The following SOX6 variants were observed in gnomAD, a reference collection of about 807,000 sequenced individuals.
SOX6 encodes transcription factor SOX-6.
Under a neutral mutation model 97.8 loss-of-function variants are expected in SOX6, and 11 were observed. The ratio of observed to expected loss-of-function variants is 0.11; its 90% confidence interval spans 0.07 to 0.19. The LOEUF (loss-of-function observed/expected upper bound fraction) is 0.19, where lower values mean the gene tolerates loss of function less well. Among genes scored for constraint, SOX6 ranks in the 10% least tolerant of loss-of-function variants. The probability of loss-of-function intolerance (pLI) is 1.00; values close to 1 mark genes in which losing one functional copy is unlikely to be tolerated. For missense variants in SOX6, 810 were observed against 1,039.5 expected (o/e 0.78, Z 3.04); for synonymous variants, 360 against 371.4 (o/e 0.97, Z 0.35).
chr11:16,244,619 G>A (rs921671513), intron 3 of SOX6, among the ~76,000 whole-genome samples: 1 of 151,592 alleles, frequency 6.6e-6, no homozygotes, highest in African/African-American at 2.4e-5. Flanking sequence ...ATGGCATGAG[G>A]TAAAAGATAA....
At chr11:16,402,161 T>C (rs1487451737) in intron 1 of SOX6, among the ~76,000 whole-genome samples, 1 of 151,626 alleles carries the variant, frequency 6.6e-6, no homozygotes, top group African/African-American at 2.4e-5. Flanking sequence ...ACTCTTTTTC[T>C]ATTGCCTCCT....
At chr11:16,631,714 C>T (rs926604988) in intron 3 of SOX6, among the ~76,000 whole-genome samples, 1 of 152,116 alleles carries the variant, frequency 6.6e-6, no homozygotes, top group African/African-American at 2.4e-5. Flanking sequence ...CTCAGAAATG[C>T]CAATAATTCA....
intron 1 of SOX6, among the ~76,000 whole-genome samples, chr11:16,381,880 C>T (rs1007491449): frequency 1.3e-5 from 2 of 151,792 alleles, no homozygotes; most frequent in African/African-American, 4.8e-5. Flanking sequence ...GACATAAAAA[C>T]ACCTGAGGGT....
intron 7 of SOX6, among the ~76,000 whole-genome samples, chr11:16,102,523 A>C (rs184940017): frequency 1.1e-4 from 17 of 151,928 alleles, no homozygotes; most frequent in African/African-American, 4.1e-4. Flanking sequence ...AACTAGTAAA[A>C]AGAATCCTAA....
chr11:16,725,203 C>G (rs1590065821), intron 2 of SOX6, among the ~76,000 whole-genome samples: 1 of 152,216 alleles, frequency 6.6e-6, no homozygotes, highest in Non-Finnish European at 1.5e-5. Context: ...AGTACTGATA[C>G]ATTCAACAAT....
chr11:16,585,645 TCAA>T (rs1848082880), intron 4 of SOX6, among the ~76,000 whole-genome samples: 1 of 149,490 alleles, frequency 6.7e-6, no homozygotes, highest in Admixed American at 6.7e-5. Flanking sequence ...GGCGGGGGAG[TCAA>T]CAAAGACTCA....
At chr11:16,702,484 G>A (rs963736344) in intron 3 of SOX6, among the ~76,000 whole-genome samples, 3 of 152,054 alleles carry the variant, frequency 2.0e-5, no homozygotes, top group Admixed American at 2.0e-4. Context: ...AGCAAGTAAT[G>A]AGAATGCTAC....
At chr11:16,349,251 T>C (rs1340237872) in intron 1 of SOX6, among the ~76,000 whole-genome samples, 1 of 152,172 alleles carries the variant, frequency 6.6e-6, no homozygotes, top group African/African-American at 2.4e-5. Context: ...CAGCAAAAAC[T>C]CTAATCATTC....
intron 4 of SOX6, among the ~76,000 whole-genome samples, chr11:16,520,614 C>T (rs1861043547): frequency 6.6e-6 from 1 of 152,194 alleles, no homozygotes; most frequent in Non-Finnish European, 1.5e-5. Flanking sequence ...TAGGGAGTGC[C>T]AGACAGTGGG....
chr11:16,061,198 TGCTCAG>T (rs910723196), intron 9 of SOX6, among the ~76,000 whole-genome samples: 73 of 151,424 alleles, frequency 4.8e-4, no homozygotes, highest in African/African-American at 1.6e-3. Flanking sequence ...ACTAGACAGC[TGCTCAG>T]TAACTGTTAG....
At chr11:16,426,460 C>T (rs907815121) in intron 1 of SOX6, among the ~76,000 whole-genome samples, 7 of 151,870 alleles carry the variant, frequency 4.6e-5, no homozygotes, top group Admixed American at 3.9e-4. Flanking sequence ...AAAACAGACA[C>T]ATAGACCAAT....
intron 4 of SOX6, among the ~76,000 whole-genome samples, chr11:16,568,114 T>C (rs559726208): frequency 6.6e-6 from 1 of 152,138 alleles, no homozygotes; most frequent in African/African-American, 2.4e-5. Context: ...AGGCTATGTG[T>C]ATAAGATATA....
chr11:16,705,836 T>C (rs1308105552), intron 3 of SOX6, among the ~76,000 whole-genome samples: 1 of 151,872 alleles, frequency 6.6e-6, no homozygotes, highest in Non-Finnish European at 1.5e-5. Flanking sequence ...ATAACCAAAA[T>C]ATATTTTAGT....
In SOX6 at chr11:16,663,989, C is replaced by T. The variant is rs573104384; in HGVS notation, n.429+50841G>A. Among the ~76,000 whole-genome samples the T allele has an allele frequency of 3.9e-5, 6 of 152,186 alleles. No individual in the cohort carries two copies. In the South Asian group the frequency reaches 1.0e-3, roughly 26 times the overall value. ...GAGCAAAATGGGTGAATAGAAGACT[C>T]CACTGGCCAGGTGTGATGACTCATG... On this transcript the variant is annotated intron_variant and non_coding_transcript_variant, in intron 3 of 5. Transcript: ENST00000524520.
chr11:16,424,286 G>C (rs953855370), intron 1 of SOX6, among the ~76,000 whole-genome samples: 1 of 152,214 alleles, frequency 6.6e-6, no homozygotes. Context: ...CACATAGGTT[G>C]TAATAATAGC....
intron 6 of SOX6, among the ~76,000 whole-genome samples, chr11:16,155,948 C>T (rs1850584843): frequency 6.6e-6 from 1 of 151,992 alleles, no homozygotes; most frequent in African/African-American, 2.4e-5. Flanking sequence ...GTCTTTAAGA[C>T]CAAAGTTCCA....
At chr11:16,555,360 T>C (rs1030890347) in intron 4 of SOX6, among the ~76,000 whole-genome samples, 4 of 151,720 alleles carry the variant, frequency 2.6e-5, no homozygotes, top group African/African-American at 9.7e-5. Context: ...TTAAAATTAT[T>C]TTTGCTCAGG....
At chr11:16,046,425 G>A in intron 12 of SOX6, 89 bp downstream of exon 12, 1 of 1,404,316 alleles carries the variant, frequency 7.1e-7, no homozygotes, top group Non-Finnish European at 1.0e-6. Flanking sequence ...ATCTATGGCT[G>A]CAGGTTGATA....
At chr11:16,032,667 A>G (rs1564916728) in intron 12 of SOX6, among the ~76,000 whole-genome samples, 1 of 152,078 alleles carries the variant, frequency 6.6e-6, no homozygotes. Flanking sequence ...ATACAACCAT[A>G]CATACAGCCT....
Sources: allele counts gnomAD v4.1 joint callset (sites outside exome capture counted in the v4.1 genomes callset), GRCh38; gene constraint gnomAD v4.1.1; transcripts MANE v1.5; gene names NCBI Gene and HGNC (gene_info 2026-07-23, HGNC 2026-07-21).